Variants in ADCY3 observed in about 807,000 individuals in gnomAD.
The protein encoded by ADCY3 is adenylate cyclase 3.
ADCY3 carries 70 observed loss-of-function variants against 119.4 expected under a neutral mutation model. The observed-to-expected ratio is 0.59, with a 90% CI of 0.48 to 0.72. The LOEUF (loss-of-function observed/expected upper bound fraction) is 0.72. ADCY3 is among the 30% of genes least tolerant of loss of function. The probability of loss-of-function intolerance (pLI) is 0.00; values close to 1 mark genes in which losing one functional copy is unlikely to be tolerated. For synonymous variants in ADCY3, 672 were observed against 621.4 expected, an observed-to-expected ratio of 1.08 and a Z score of -1.21; for missense variants, 1,238 against 1,541.6, an observed-to-expected ratio of 0.80 and a Z score of 3.30.
chr2:24,845,903 G>A (rs1043689288), intron 3 of ADCY3, among the ~76,000 whole-genome samples: 5 of 152,250 alleles, frequency 3.3e-5, no homozygotes, highest in East Asian at 1.9e-4. Flanking sequence ...AGCCGTGGCC[G>A]AAAGGGCCAA....
intron 2 of ADCY3, among the ~76,000 whole-genome samples, chr2:24,892,645 C>A (rs1003110263): frequency 2.0e-5 from 3 of 152,194 alleles, no homozygotes; most frequent in Non-Finnish European, 4.4e-5. Flanking sequence ...TTCTTGGGTG[C>A]AGGGTTCTAT....
At chr2:24,916,833 TG>T (rs1664521046) in intron 2 of ADCY3, among the ~76,000 whole-genome samples, 1 of 151,566 alleles carries the variant, frequency 6.6e-6, no homozygotes, top group Non-Finnish European at 1.5e-5. Flanking sequence ...CTCCAGGAGG[TG>T]GGGTGGGAAG....
intron 2 of ADCY3, among the ~76,000 whole-genome samples, chr2:24,906,257 A>C (rs1679432155): frequency 6.6e-6 from 1 of 151,860 alleles, no homozygotes; most frequent in Non-Finnish European, 1.5e-5. Flanking sequence ...CAGTGAGCTG[A>C]GATGATGCCA....
At chr2:24,835,757 G>A (rs1670226911) in intron 9 of ADCY3, among the ~76,000 whole-genome samples, 1 of 152,030 alleles carries the variant, frequency 6.6e-6, no homozygotes, top group Non-Finnish European at 1.5e-5. Context: ...CCAACATAGT[G>A]AAACTCCATC....
intron 6 of ADCY3, among the ~76,000 whole-genome samples, chr2:24,840,924 G>A (rs546561147): frequency 9.5e-4 from 145 of 152,350 alleles, no homozygotes; most frequent in African/African-American, 3.2e-3. Context: ...GAGATGGGGA[G>A]CCCCTGTGGG....
At chr2:24,823,443 CAT>C in intron 17 of ADCY3, 88 bp from the exon 18 acceptor site, 9 of 1,402,248 alleles carry the variant, frequency 6.4e-6, no homozygotes, top group Middle Eastern at 2.4e-4. Flanking sequence ...CCATGCATGA[CAT>C]GTGCACTCAG....
chr2:24,832,482 C>A (rs1669729578), intron 11 of ADCY3, among the ~76,000 whole-genome samples: 3 of 152,190 alleles, frequency 2.0e-5, no homozygotes, highest in Admixed American at 2.0e-4. Context: ...AACCTGACAA[C>A]TCCCGGAAAC....
At chr2:24,822,363 ATTTC>A in intron 19 of ADCY3, 144 bp downstream of exon 19, 1 of 1,150,020 alleles carries the variant, frequency 8.7e-7, no homozygotes, top group Non-Finnish European at 1.2e-6. Context: ...AATAAACCCT[ATTTC>A]TTATTTATAT....
intron 9 of ADCY3, 148 bp downstream of exon 9, chr2:24,836,769 G>C (rs4665733): frequency 0.59 from 719,134 of 1,221,416 alleles, 214,649 homozygotes; most frequent in East Asian, 0.8. Flanking sequence ...GGGGTGACCT[G>C]TCCATGGTTA....
chr2:24,824,389 T>C lies in ADCY3; in HGVS notation c.2725A>G (p.Lys909Glu). 3.7e-6 allele frequency: 6 copies of C among 1,614,140 alleles called. No homozygotes were observed. The highest frequency in any genetic ancestry group is 5.1e-6 in the Non-Finnish European group (6 of 1,179,996). The stretch of plus-strand genomic sequence containing the variant: ...ACCACACCCCTCACCTCATCTCTCT[T>C]CTTGGACCCCAGGAAATGGCGTGCC... ...HVARHFLGSK[K>E]RDEELYSQTY... Residue 909 changes from lysine to glutamate, a missense_variant, in exon 17 of 22, where the codon AAG becomes GAG. Physicochemically the swap from Lys to Glu is moderately conservative, Grantham distance 56 (BLOSUM62 1). This residue lies in a region of ADCY3 where 499 missense variants were observed against 571.0 expected (regional missense o/e 0.87). Transcript: ENST00000679454.
chr2:24,849,142 C>T (rs759773359), intron 3 of ADCY3, among the ~76,000 whole-genome samples: 1 of 152,216 alleles, frequency 6.6e-6, no homozygotes, highest in Non-Finnish European at 1.5e-5. Context: ...GCAGCCACAG[C>T]CCACACAGGC....
chr2:24,912,569 A>ATGTGTGTGTG lies in ADCY3; in HGVS notation c.675+5734_675+5743dup, dbSNP rs1436630372. On this transcript the variant is annotated intron_variant, in intron 2 of 21. Coordinates refer to ENST00000679454, the MANE Select transcript of ADCY3 (RefSeq NM_004036.5). ...AGCACGCATGTGTGTGTGTGTGTGC[A>ATGTGTGTGTG]TGTGTGTGTGTGTGTGCATGTGTGT... is the stretch of plus-strand genomic sequence containing the variant. 1.0e-4 allele frequency among the ~76,000 whole-genome samples: 4 copies of ATGTGTGTGTG among 39,658 alleles called. No homozygotes were observed. The African/African-American group carries it at 1.4e-3, about 13-fold the overall frequency. 26.0% of individuals were successfully genotyped at this position (39,658 alleles called of 152,430 possible). A position where few individuals can be genotyped will look rare whatever the true frequency, so the allele number is the denominator to read the frequency against.
At position 24,919,324 on chromosome 2, in the gene ADCY3, A is replaced by G; in HGVS notation, c.-197-140T>C. 3.6e-6 allele frequency: 1 copy of G among 277,464 alleles called. No homozygotes were observed. The highest frequency in any genetic ancestry group is 4.9e-5 in the South Asian group (1 of 20,604). The allele number at this position is 277,464 out of a possible 1,614,324, so 17.2% of individuals were successfully genotyped here. A position where few individuals can be genotyped will look rare whatever the true frequency, so the allele number is the denominator to read the frequency against. On this transcript the variant is annotated intron_variant, in intron 1 of 21. Transcript: ENST00000679454. The surrounding 1 kb of genome is among the most constrained non-coding windows in gnomAD (Gnocchi z 5.5). ...GCCTTCCCTGCCACCCCCGGCTCAC[A>G]CCACCGCCCACCGCAGGCACACTTA... is the stretch of plus-strand genomic sequence containing the variant.
chr2:24,883,439 G>A (rs576809915), intron 2 of ADCY3, among the ~76,000 whole-genome samples: 9 of 152,202 alleles, frequency 5.9e-5, no homozygotes, highest in Admixed American at 1.3e-4. Context: ...GCCCCCATGA[G>A]GAAGGAAAGC....
chr2:24,867,120 C>T (rs191632341), intron 3 of ADCY3, among the ~76,000 whole-genome samples: 4 of 152,242 alleles, frequency 2.6e-5, no homozygotes, highest in Admixed American at 2.6e-4. Context: ...GGCGCAGCAT[C>T]GTAAAACTGC....
Position 24,918,682 on chromosome 2 carries a change from G to T in ADCY3, c.306C>A (p.Ser102Arg). ...CCACGGCGAGGGAAGCCAGCTTGTC[G>T]CTGGAGAAGACCACAGCACACATGA... ...VVVMCAVVFS[S>R]DKLASLAVAG... The change falls in exon 2 of 22, where the codon AGC becomes AGA. Residue 102 changes from serine to arginine, a missense_variant. Physicochemically the swap from Ser to Arg is moderately radical, Grantham distance 110. Around this residue, in one of 7 missense-constraint regions of ADCY3, gnomAD observed 227 missense variants for 249.3 expected, o/e 0.91. Coordinates refer to ENST00000679454, the MANE Select transcript of ADCY3 (RefSeq NM_004036.5). The surrounding 1 kb of genome is among the most constrained non-coding windows in gnomAD (Gnocchi z 5.4). 1 of 1,614,064 alleles carries T rather than the reference G, an allele frequency of 6.2e-7. No homozygotes were observed. Among genetic ancestry groups the T allele is most frequent in the Non-Finnish European group, 8.5e-7 (1 of 1,179,994 alleles).
rs375034630 is a variant in ADCY3, at chr2:24,819,285, C to T, written c.*647G>A. 9.8e-5 allele frequency: 15 copies of T among 152,618 alleles called. No individual in the cohort carries two copies. Among genetic ancestry groups the T allele is most frequent in the Admixed American group, 7.9e-4 (12 of 15,280 alleles). The allele number at this position is 152,618 out of a possible 1,614,324, so 9.5% of individuals were successfully genotyped here. A position where few individuals can be genotyped will look rare whatever the true frequency, so the allele number is the denominator to read the frequency against. Reference sequence around the variant, plus strand: ...AAGAGCTCAAAAGGCAAGGCAATATCGGAAAGTGTATTTAACAGAAGATTA... The same window carrying T: ...AAGAGCTCAAAAGGCAAGGCAATATTGGAAAGTGTATTTAACAGAAGATTA... On this transcript the variant is annotated 3_prime_UTR_variant, in exon 22 of 22. Transcript: ENST00000679454.
chr2:24,879,275 A>ATCC (rs1323915474), intron 2 of ADCY3, among the ~76,000 whole-genome samples: 1 of 152,024 alleles, frequency 6.6e-6, no homozygotes, highest in East Asian at 1.9e-4. Context: ...AATCGAGACC[A>ATCC]TCCTGGCTAA....
Position 24,820,101 on chromosome 2 carries a change from G to T in ADCY3, c.3266C>A (p.Thr1089Asn). The T allele has an allele frequency of 1.4e-6, 2 of 1,450,228 alleles. No individual in the cohort carries two copies. The highest frequency in any genetic ancestry group is 1.2e-5 in the South Asian group (1 of 80,206). 89.8% of individuals were successfully genotyped at this position (1,450,228 alleles called of 1,614,324 possible). A position where few individuals can be genotyped will look rare whatever the true frequency, so the allele number is the denominator to read the frequency against. The change falls in exon 22 of 22, where the codon ACC becomes AAC. Residue 1089 changes from threonine (T) to asparagine (N), a missense_variant. Coordinates refer to ENST00000679454, the MANE Select transcript of ADCY3 (RefSeq NM_004036.5). ...GCCGTACTCTCGGAGGATGACTTGG[G>T]TTTCTTCTACCACCTGGAGAGGGAG... ...VMGNIQVVEE[T>N]QVILREYGFR...
Sources: allele counts gnomAD v4.1 joint callset (sites outside exome capture counted in the v4.1 genomes callset), GRCh38; gene constraint gnomAD v4.1.1; regional missense constraint gnomAD v4.1.1; non-coding constraint Gnocchi (gnomAD v3.1); transcripts MANE v1.5; gene names NCBI Gene and HGNC (gene_info 2026-07-23, HGNC 2026-07-21).